Variants in TNC observed in about 807,000 individuals in gnomAD.
TNC encodes the protein tenascin C, also known as tenascin.
In TNC, 109 loss-of-function variants were observed where a neutral mutation model predicts 202.4. That is an observed-to-expected ratio of 0.54 (90% CI 0.46 to 0.63). The LOEUF (loss-of-function observed/expected upper bound fraction) is 0.63, where lower values mean the gene tolerates loss of function less well. TNC is among the 30% of genes least tolerant of loss of function. TNC has a pLI of 0.00. For missense variants in TNC, 2,756 were observed against 2,833.3 expected (o/e 0.97, Z 0.62); for synonymous variants, 1,007 against 1,089.7 (o/e 0.92, Z 1.50).
intron 10 of TNC, among the ~76,000 whole-genome samples, chr9:115,070,199 T>C (rs955263189): frequency 6.6e-6 from 1 of 152,146 alleles, no homozygotes; most frequent in Non-Finnish European, 1.5e-5. Context: ...CTAGAGCAGC[T>C]TGAAGGGGTA....
At chr9:115,083,914 C>A (rs1834506012) in intron 4 of TNC, among the ~76,000 whole-genome samples, 1 of 152,166 alleles carries the variant, frequency 6.6e-6, no homozygotes, top group Non-Finnish European at 1.5e-5. Context: ...CAAATGAGGA[C>A]TCTTATACTA....
intron 15 of TNC, among the ~76,000 whole-genome samples, chr9:115,049,058 A>C (rs1386611523): frequency 1.8e-5 from 2 of 110,560 alleles, no homozygotes; most frequent in Non-Finnish European, 3.7e-5. Flanking sequence ...AGCTGAAATA[A>C]AGGGAGGAGG....
chr9:115,040,669 T>C (rs1234818558), intron 19 of TNC, among the ~76,000 whole-genome samples: 2 of 152,160 alleles, frequency 1.3e-5, no homozygotes, highest in Non-Finnish European at 2.9e-5. Flanking sequence ...ACTCCCAAAC[T>C]TGGACTTTTT....
At chr9:115,022,478 C>T (rs536834967) in intron 27 of TNC, among the ~76,000 whole-genome samples, 2 of 152,308 alleles carry the variant, frequency 1.3e-5, no homozygotes, top group African/African-American at 4.8e-5. Context: ...CTGGGGCTCC[C>T]CTCCTGTGGC....
intron 17 of TNC, among the ~76,000 whole-genome samples, chr9:115,044,165 A>G (rs1830991103): frequency 1.3e-5 from 2 of 151,642 alleles, no homozygotes; most frequent in Non-Finnish European, 2.9e-5. Context: ...TGAGAGGAGG[A>G]GCTACAGCAG....
Position 115,081,836 on chromosome 9 carries a change from C to A in TNC, c.2340G>T (p.Glu780Asp), listed in dbSNP as rs201169030. 1.2e-6 allele frequency: 2 copies of A among 1,609,790 alleles called. No homozygotes were observed. The highest frequency in any genetic ancestry group is 2.2e-5 in the East Asian group (1 of 44,814). ...QTGLAPGQEY[E>D]ISLHIVKNNT... ...TGTTTTTCACTATGTGCAGAGATAT[C>A]TCATACTCTTGCCCAGGAGCTAGAC... is the stretch of plus-strand genomic sequence containing the variant. Residue 780 changes from glutamate to aspartate, a missense_variant, in exon 6 of 28, where the codon GAG becomes GAT. By Grantham distance (45) the Glu-to-Asp change is conservative. Transcript: ENST00000350763.
At position 115,035,208 on chromosome 9, in the gene TNC, A is replaced by T; in HGVS notation, c.5783T>A (p.Val1928Asp). Reference sequence around the variant, plus strand: ...GTTGTTATATACTTAAAATACCTTGACTGTGCCATCCACTGATTCATAGAC... The same window carrying T: ...GTTGTTATATACTTAAAATACCTTGTCTGTGCCATCCACTGATTCATAGAC... ...LLVYESVDGTVKEVIVGPDTT... is the reference protein window; with the variant it reads ...LLVYESVDGTDKEVIVGPDTT... Residue 1928 changes from valine to aspartate, a missense_variant, in exon 22 of 28, where the codon GTC (valine) becomes GAC (aspartate). Val to Asp is a radical substitution (Grantham distance 152, BLOSUM62 -3). Transcript: ENST00000350763. The T allele has an allele frequency of 6.2e-7, 1 of 1,610,352 alleles. No individual in the cohort carries two copies. The highest frequency in any genetic ancestry group is 8.5e-7 in the Non-Finnish European group (1 of 1,178,566).
chr9:115,043,280 T>C (rs1411455), intron 17 of TNC, among the ~76,000 whole-genome samples: 14,711 of 152,144 alleles, frequency 0.097, 756 homozygotes, highest in Middle Eastern at 0.17. Flanking sequence ...GGTTTTTTTT[T>C]CTTCCTCTTT....
chr9:115,054,148 C>T (rs138768607), intron 15 of TNC, among the ~76,000 whole-genome samples: 4 of 152,240 alleles, frequency 2.6e-5, no homozygotes, highest in African/African-American at 9.6e-5. Flanking sequence ...GGAAGAGGCA[C>T]AATATTTCTT....
At chr9:115,032,644 T>C (rs963156135) in intron 22 of TNC, among the ~76,000 whole-genome samples, 2 of 152,224 alleles carry the variant, frequency 1.3e-5, no homozygotes, top group African/African-American at 4.8e-5. Context: ...CCCAAGTGAT[T>C]TGAATGTGCA....
chr9:115,052,357 A>G (rs1263995072), intron 15 of TNC, among the ~76,000 whole-genome samples: 1 of 151,970 alleles, frequency 6.6e-6, no homozygotes, highest in Non-Finnish European at 1.5e-5. Flanking sequence ...GTTCAGTTAG[A>G]CAGAAGGAAT....
chr9:115,035,402 A>T (rs1830250941), intron 21 of TNC, 68 bp from the exon 22 acceptor site: 34 of 1,535,512 alleles, frequency 2.2e-5, no homozygotes, highest in Non-Finnish European at 3.0e-5. Context: ...CGGGCTGGGT[A>T]TCAAGAAGAC....
chr9:115,071,120 C>T (rs1170878033), intron 10 of TNC, among the ~76,000 whole-genome samples: 1 of 152,156 alleles, frequency 6.6e-6, no homozygotes, highest in African/African-American at 2.4e-5. Context: ...GCTCTAGTAA[C>T]CCCAGAACTT....
intron 22 of TNC, among the ~76,000 whole-genome samples, chr9:115,032,681 G>C (rs1337846177): frequency 2.0e-5 from 3 of 152,172 alleles, no homozygotes; most frequent in Non-Finnish European, 4.4e-5. Context: ...CTTGAGTTAG[G>C]AGATGATTAT....
chr9:115,061,616 A>T (rs911074050), intron 13 of TNC, among the ~76,000 whole-genome samples: 1 of 152,190 alleles, frequency 6.6e-6, no homozygotes, highest in African/African-American at 2.4e-5. Flanking sequence ...GCAACCACCA[A>T]GTTTATCTGT....
At chr9:115,051,537 C>CTTTTTTTT (rs5900117) in intron 15 of TNC, among the ~76,000 whole-genome samples, 3 of 131,312 alleles carry the variant, frequency 2.3e-5, no homozygotes, top group Non-Finnish European at 1.6e-5. Context: ...TCTTTTTTTT[C>CTTTTTTTT]TTTTTTTTTT....
rs202205200 is a variant in TNC at position 115,076,387 on chromosome 9, C to T, written c.2860+3G>A. The T allele has an allele frequency of 1.4e-4, 233 of 1,613,846 alleles. No homozygotes were observed. Among genetic ancestry groups the T allele is most frequent in the Non-Finnish European group, 8.0e-5 (94 of 1,179,910 alleles). On this transcript the variant is annotated splice_donor_region_variant and intron_variant, in intron 8 of 27. Coordinates refer to ENST00000350763, the MANE Select transcript of TNC (RefSeq NM_002160.4). ...CTCAGGCTTGCAGAGATGCAGAGCTCACCTGTGAGTGTGGTTTTGGTTGTG... is the reference window on the plus strand; with the variant it reads ...CTCAGGCTTGCAGAGATGCAGAGCTTACCTGTGAGTGTGGTTTTGGTTGTG...
chr9:115,094,012 G>A (rs2133788627), intron 1 of TNC, among the ~76,000 whole-genome samples: 1 of 152,280 alleles, frequency 6.6e-6, no homozygotes, highest in Middle Eastern at 3.4e-3. Context: ...AGGCATACCT[G>A]GGTTCAAATG....
Position 115,020,972 on chromosome 9 carries a change from G to T in TNC, c.*185C>A. 1 of 557,062 alleles carries T rather than the reference G, an allele frequency of 1.8e-6. No homozygotes were observed. The highest frequency in any genetic ancestry group is 3.2e-6 in the Non-Finnish European group (1 of 315,922). 34.5% of individuals were successfully genotyped at this position (557,062 alleles called of 1,614,324 possible). ...TGGAGACTGATGTCTTTGGTGCAAAGAAAGAAATCACAGAGGAGGTGAGGC... is the reference window on the plus strand; with the variant it reads ...TGGAGACTGATGTCTTTGGTGCAAATAAAGAAATCACAGAGGAGGTGAGGC... On this transcript the variant is annotated 3_prime_UTR_variant, in exon 28 of 28. Coordinates refer to ENST00000350763, the MANE Select transcript of TNC (RefSeq NM_002160.4).
Sources: allele counts gnomAD v4.1 joint callset (sites outside exome capture counted in the v4.1 genomes callset), GRCh38; gene constraint gnomAD v4.1.1; transcripts MANE v1.5; gene names NCBI Gene and HGNC (gene_info 2026-07-23, HGNC 2026-07-21).